Variants in EML5 observed in about 807,000 individuals in gnomAD.
EML5 encodes echinoderm microtubule-associated protein-like 5.
Under a neutral mutation model 250.0 loss-of-function variants are expected in EML5, and 120 were observed. That is an observed-to-expected ratio of 0.48 (90% CI 0.41 to 0.56). EML5 has a LOEUF of 0.56. Ranked by LOEUF, EML5 falls within the 20% of genes least tolerant of loss-of-function variation. The pLI, the probability that EML5 is intolerant of heterozygous loss-of-function variation, is 0.00. For synonymous variants in EML5, 771 were observed against 806.5 expected (o/e 0.96, Z 0.75); for missense variants, 2,006 against 2,437.6 (o/e 0.82, Z 3.73).
At chr14:88,649,869 G>A in intron 28 of EML5, 43 bp downstream of exon 28, 14 of 1,401,878 alleles carry the variant, frequency 1.0e-5, no homozygotes, top group South Asian at 1.4e-5. Context: ...TAAAATAAAG[G>A]GTAAATTTTT....
Position 88,710,738 on chromosome 14 carries a change from A to G in EML5, c.1657+1533T>C, listed in dbSNP as rs187593666. 5.9e-5 allele frequency among the ~76,000 whole-genome samples: 9 copies of G among 151,870 alleles called. No individual in the cohort carries two copies. The East Asian group carries it at 1.5e-3, about 26-fold the overall frequency. On this transcript the variant is annotated intron_variant, in intron 10 of 43. Coordinates refer to ENST00000554922, the MANE Select transcript of EML5 (RefSeq NM_183387.3). ...ATCCTTACTAGAAAATAAATTACTA[A>G]CAAAAAAGCTAACAAATGGGAAACA...
chr14:88,755,379 T>C (rs1047916644), intron 1 of EML5, among the ~76,000 whole-genome samples: 1 of 152,130 alleles, frequency 6.6e-6, no homozygotes, highest in Admixed American at 6.5e-5. Flanking sequence ...TTAGACAAAA[T>C]CTTAATGTCT....
chr14:88,625,289 C>T (rs899657928), intron 35 of EML5, 162 bp from the exon 36 acceptor site: 9 of 737,330 alleles, frequency 1.2e-5, no homozygotes, highest in Admixed American at 9.6e-5. Flanking sequence ...GAAACCTGAA[C>T]GGGAGGCTTA....
At chr14:88,755,740 A>G (rs1043759837) in intron 1 of EML5, among the ~76,000 whole-genome samples, 1 of 152,120 alleles carries the variant, frequency 6.6e-6, no homozygotes, top group Admixed American at 6.6e-5. Flanking sequence ...TGCCTATAAT[A>G]TCAGTGCTTT....
Position 88,661,766 on chromosome 14 carries a change from G to A in EML5, c.3563C>T (p.Pro1188Leu). 2 of 1,613,450 alleles carry A rather than the reference G, an allele frequency of 1.2e-6. No individual in the cohort carries two copies. Among genetic ancestry groups the A allele is most frequent in the East Asian group, 2.2e-5 (1 of 44,838 alleles). ...TACATCTGTAACTTCTCCAATTACT[G>A]GCCAAATTCCTTCACAGCATAAACC... ...VLGLCCEGIW[P>L]VIGEVTDVTA... Residue 1188 changes from proline (P) to leucine (L), a missense_variant, in exon 25 of 44, where the codon CCA (proline) becomes CTA (leucine). By Grantham distance (98) the Pro-to-Leu change is moderately conservative. Coordinates refer to ENST00000554922, the MANE Select transcript of EML5 (RefSeq NM_183387.3).
At chr14:88,747,886 C>T (rs965866317) in intron 2 of EML5, among the ~76,000 whole-genome samples, 1 of 152,058 alleles carries the variant, frequency 6.6e-6, no homozygotes, top group South Asian at 2.1e-4. Flanking sequence ...TTACCCTCCC[C>T]GACCCACCCC....
intron 8 of EML5, among the ~76,000 whole-genome samples, chr14:88,723,546 A>G (rs1376689293): frequency 6.6e-6 from 1 of 152,170 alleles, no homozygotes; most frequent in African/African-American, 2.4e-5. Context: ...CAGTGATTAG[A>G]GTTAATAATA....
chr14:88,755,289 T>C (rs11849928), intron 1 of EML5, among the ~76,000 whole-genome samples: 5,582 of 152,288 alleles, frequency 0.037, 358 homozygotes, highest in African/African-American at 0.13. Flanking sequence ...CAGCAACAAA[T>C]TGGTAGCCTT....
intron 16 of EML5, among the ~76,000 whole-genome samples, chr14:88,694,695 G>A (rs1315878026): frequency 6.6e-6 from 1 of 152,070 alleles, no homozygotes. Flanking sequence ...GGCATGAATG[G>A]GTTAAAGTCA....
In EML5 at chr14:88,726,614, C is replaced by A. The variant is rs2140086124; in HGVS notation, c.1114G>T (p.Ala372Ser). Residue 372 changes from alanine (A) to serine (S), a missense_variant, in exon 8 of 44, where the codon GCA becomes TCA. By Grantham distance (99) the Ala-to-Ser change is moderately conservative. Transcript: ENST00000554922. ...RCNMEEPIRC[A>S]AVNADGIHLA... ...TGGATTCCATCTGCATTGACAGCTG[C>A]ACAACGAATTGGTTCTTCCATATTA... The A allele has an allele frequency of 5.7e-6, 9 of 1,586,134 alleles. No homozygotes were observed. The highest frequency in any genetic ancestry group is 7.7e-6 in the Non-Finnish European group (9 of 1,164,608).
At chr14:88,705,280 A>G (rs2093296103) in intron 12 of EML5, among the ~76,000 whole-genome samples, 1 of 152,158 alleles carries the variant, frequency 6.6e-6, no homozygotes, top group South Asian at 2.1e-4. Context: ...AATAGAAGGC[A>G]AGCATACTTA....
chr14:88,698,218 G>T (rs1049548076), intron 14 of EML5, among the ~76,000 whole-genome samples: 1 of 146,698 alleles, frequency 6.8e-6, no homozygotes, highest in African/African-American at 2.5e-5. Context: ...AGAATTTGAT[G>T]CTTTTGATGA....
chr14:88,703,822 A>G (rs2093264571), intron 13 of EML5, among the ~76,000 whole-genome samples: 1 of 152,218 alleles, frequency 6.6e-6, no homozygotes, highest in Admixed American at 6.5e-5. Context: ...AGAAGTCACA[A>G]TATCATTCCA....
intron 27 of EML5, among the ~76,000 whole-genome samples, chr14:88,656,743 T>C (rs1283747004): frequency 8.3e-6 from 1 of 120,596 alleles, no homozygotes; most frequent in Non-Finnish European, 1.6e-5. Flanking sequence ...ATTTTTGAAA[T>C]GAGGACTGAC....
chr14:88,791,768 T>G (rs996026211), intron 1 of EML5, among the ~76,000 whole-genome samples: 1 of 152,146 alleles, frequency 6.6e-6, no homozygotes, highest in Non-Finnish European at 1.5e-5. Context: ...GGAGGTTGCC[T>G]GGGGTTTCTG....
intron 7 of EML5, among the ~76,000 whole-genome samples, chr14:88,732,963 T>G (rs900328693): frequency 6.6e-6 from 1 of 152,182 alleles, no homozygotes; most frequent in Admixed American, 6.5e-5. Flanking sequence ...TACTGAAGAC[T>G]CAATACTGTT....
intron 21 of EML5, among the ~76,000 whole-genome samples, chr14:88,679,711 A>G (rs1485158701): frequency 1.3e-5 from 2 of 152,078 alleles, no homozygotes; most frequent in East Asian, 3.9e-4. Flanking sequence ...ATAAAAAATA[A>G]AAAAATAAAG....
Position 88,621,219 on chromosome 14 carries a change from C to A in EML5, c.5096G>T (p.Gly1699Val). 1.2e-6 allele frequency: 2 copies of A among 1,613,936 alleles called. No homozygotes were observed. Among genetic ancestry groups the A allele is most frequent in the African/African-American group, 1.3e-5 (1 of 75,038 alleles). The change falls in exon 38 of 44, where the codon GGT becomes GTT. Residue 1699 changes from glycine (G) to valine (V), a missense_variant. Gly to Val is a moderately radical substitution (Grantham distance 109). Coordinates refer to ENST00000554922, the MANE Select transcript of EML5 (RefSeq NM_183387.3). ...TCCCCAGATTGGCCCATCCACATGA[C>A]CGTTAACTAAAATATTACAAGCTGC... Reference protein sequence around the residue: ...KNAACNILVNGHVDGPIWGLA... With the variant: ...KNAACNILVNVHVDGPIWGLA...
At chr14:88,645,905 T>C (rs1469284865) in intron 29 of EML5, among the ~76,000 whole-genome samples, 3 of 152,226 alleles carry the variant, frequency 2.0e-5, no homozygotes, top group Non-Finnish European at 4.4e-5. Flanking sequence ...CCAACAGGTA[T>C]ATTGAGTTCA....
Sources: allele counts gnomAD v4.1 joint callset (sites outside exome capture counted in the v4.1 genomes callset), GRCh38; gene constraint gnomAD v4.1.1; transcripts MANE v1.5; gene names NCBI Gene and HGNC (gene_info 2026-07-23, HGNC 2026-07-21).